The following SPIN2A variants were observed in gnomAD, a reference collection of about 807,000 sequenced individuals.
The protein encoded by SPIN2A is spindlin-2A.
A neutral mutation model predicts 9.2 loss-of-function variants in SPIN2A; 4 were observed. That is an observed-to-expected ratio of 0.44 (90% CI 0.21 to 1.00). SPIN2A has a LOEUF of 1.00. Among genes scored for constraint, SPIN2A ranks in the 50% least tolerant of loss-of-function variants. SPIN2A has a pLI of 0.26. For synonymous variants in SPIN2A, 25 were observed against 61.2 expected, an observed-to-expected ratio of 0.41 and a Z score of 2.76; for missense variants, 77 against 172.8, an observed-to-expected ratio of 0.45 and a Z score of 3.11.
At chrX:57,143,315 A>G in the SPIN2A span, among the ~76,000 whole-genome samples, 2 of 110,887 alleles carry the variant, frequency 1.8e-5, no homozygotes, top group African/African-American at 3.3e-5. Context: ...TTGCAAGACT[A>G]TTCTAACGAA....
At chrX:57,144,329 CT>C in the SPIN2A span, among the ~76,000 whole-genome samples, 1 of 102,443 alleles carries the variant, frequency 9.8e-6, no homozygotes, top group Non-Finnish European at 2.0e-5. Context: ...CTTTAACATT[CT>C]TGTATTTGGA....
rs751209848 is a variant in SPIN2A, at chrX:57,135,984, A to G, written c.614T>C (p.Val205Ala). Residue 205 changes from valine to alanine, a missense_variant, in exon 2 of 2, where the codon GTT becomes GCT. Coordinates refer to ENST00000374906, the MANE Select transcript of SPIN2A (RefSeq NM_019003.5). ...ATGCTTACCTATTAGGCCATCTACA[A>G]CTCCTCCTGGCTCCCTCTCTGTTGG... The part of the protein sequence containing the change: ...SPPTEREPGG[V>A]VDGLIGKHVE... 2.2e-5 allele frequency: 26 copies of G among 1,203,148 alleles called. No homozygotes were observed. Among genetic ancestry groups the G allele is most frequent in the Non-Finnish European group, 2.9e-5 (26 of 892,894 alleles).
In SPIN2A at chrX:57,136,878, C is replaced by T. The variant is rs1421867371; in HGVS notation, c.-5-276G>A. Reference sequence around the variant, plus strand: ...TCCTCCTAGCTCAGAGCCCACTGCCCTCCCTTTACCCTTTACTGCCACTAG... The same window carrying T: ...TCCTCCTAGCTCAGAGCCCACTGCCTTCCCTTTACCCTTTACTGCCACTAG... On this transcript the variant is annotated intron_variant, in intron 1 of 1. Coordinates refer to ENST00000374906, the MANE Select transcript of SPIN2A (RefSeq NM_019003.5). The T allele has an allele frequency of 4.2e-5, 27 of 643,428 alleles. No homozygotes were observed. The African/African-American group carries it at 5.7e-4, about 14-fold the overall frequency. The allele number at this position is 643,428 out of a possible 1,213,427, so 53.0% of individuals were successfully genotyped here.
upstream of SPIN2A, among the ~76,000 whole-genome samples, chrX:57,140,275 G>T (rs1441769432): frequency 9.1e-6 from 1 of 109,368 alleles, no homozygotes; most frequent in African/African-American, 3.3e-5. Context: ...CATATTATCT[G>T]CAAATAAAGA....
chrX:57,138,841 T>C, upstream of SPIN2A, among the ~76,000 whole-genome samples: 1 of 112,258 alleles, frequency 8.9e-6, no homozygotes, highest in East Asian at 2.8e-4. Flanking sequence ...TATATATCTG[T>C]TGTCCATTTG....
chrX:57,140,869 G>A (rs955590147), upstream of SPIN2A, among the ~76,000 whole-genome samples: 4 of 111,391 alleles, frequency 3.6e-5, no homozygotes, highest in Admixed American at 3.8e-4. Context: ...ACTGCCTATC[G>A]AGTACTATGT....
the SPIN2A span, among the ~76,000 whole-genome samples, chrX:57,145,191 C>T: frequency 9.1e-6 from 1 of 109,325 alleles, no homozygotes; most frequent in Admixed American, 9.7e-5. Flanking sequence ...AGAAGTGTTC[C>T]CTTTTCACCA....
chrX:57,146,091 A>T, the SPIN2A span, among the ~76,000 whole-genome samples: 1 of 106,853 alleles, frequency 9.4e-6, no homozygotes, highest in Non-Finnish European at 1.9e-5. Flanking sequence ...TGTTTTTTCT[A>T]GTTCTGTGAA....
chrX:57,144,409 G>T, the SPIN2A span, among the ~76,000 whole-genome samples: 459 of 105,712 alleles, frequency 4.3e-3, 2 homozygotes, highest in African/African-American at 0.015. Flanking sequence ...ATTCTACCCT[G>T]ATCTCTCTAC....
the SPIN2A span, among the ~76,000 whole-genome samples, chrX:57,144,880 C>T: frequency 4.0e-4 from 29 of 73,128 alleles, no homozygotes; most frequent in Non-Finnish European, 5.8e-4. Context: ...AGTAGTATTC[C>T]ACTATATATA....
At chrX:57,143,900 T>C in the SPIN2A span, among the ~76,000 whole-genome samples, 7 of 112,207 alleles carry the variant, frequency 6.2e-5, no homozygotes, top group African/African-American at 1.6e-4. Flanking sequence ...CAGTGAGTTT[T>C]AGATCTCCAG....
chrX:57,135,939 T>A lies in SPIN2A; in HGVS notation c.659A>T (p.Asp220Val). The A allele has an allele frequency of 8.3e-7, 1 of 1,210,085 alleles. No homozygotes were observed. Among genetic ancestry groups the A allele is most frequent in the African/African-American group, 1.7e-5 (1 of 57,451 alleles). ...IGKHVEYTKE[D>V]GSKRIGMVIH... ...GACCATGCCGATCCTTTTGGAGCCATCTTCTTTGGTATATTCCACATGCTT... is the reference window on the plus strand; with the variant it reads ...GACCATGCCGATCCTTTTGGAGCCAACTTCTTTGGTATATTCCACATGCTT... The change falls in exon 2 of 2, where the codon GAT becomes GTT. Residue 220 changes from aspartate to valine, a missense_variant. Asp to Val is a radical substitution (Grantham distance 152, BLOSUM62 -3). Transcript: ENST00000374906.
At chrX:57,135,609 C>T, downstream of SPIN2A, 6 of 831,550 alleles carry the variant, frequency 7.2e-6, no homozygotes, top group Non-Finnish European at 9.9e-6. Context: ...ACCAAACACA[C>T]CCGAACTTTT....
Position 57,135,885 on chromosome X carries a change from A to G in SPIN2A, c.713T>C (p.Val238Ala). Residue 238 changes from valine to alanine, a missense_variant, in exon 2 of 2, where the codon GTG becomes GCG. Around this residue, in one of 4 missense-constraint regions of SPIN2A, gnomAD observed 36 missense variants for 47.6 expected, o/e 0.76. Transcript: ENST00000374906. ...VIHQVETKPS[V>A]YFIKFDDDFH... ...ATCATCATCAAACTTGATGAAATAC[A>G]CAGAGGGTTTGGTTTCCACTTGGTG... 2 of 1,210,068 alleles carry G rather than the reference A, an allele frequency of 1.7e-6. No individual in the cohort carries two copies. The highest frequency in any genetic ancestry group is 3.5e-5 in the South Asian group (2 of 56,936).
At chrX:57,141,689 T>C (rs1928007007), upstream of SPIN2A, among the ~76,000 whole-genome samples, 1 of 111,952 alleles carries the variant, frequency 8.9e-6, no homozygotes, top group Non-Finnish European at 1.9e-5. Context: ...AATTTACCCA[T>C]TTCTTCTAGG....
upstream of SPIN2A, among the ~76,000 whole-genome samples, chrX:57,137,867 A>AAG (rs1467085474): frequency 9.0e-6 from 1 of 111,644 alleles, no homozygotes; most frequent in African/African-American, 3.3e-5. Flanking sequence ...ATGTGTATGT[A>AAG]TGTATATATA....
downstream of SPIN2A, chrX:57,134,733 A>T (rs1370346670): frequency 9.0e-6 from 1 of 111,708 alleles, no homozygotes; most frequent in African/African-American, 3.3e-5. Context: ...CTCTACCAAG[A>T]TTGCTTATCT....
At chrX:57,146,199 G>T in the SPIN2A span, among the ~76,000 whole-genome samples, 2 of 110,590 alleles carry the variant, frequency 1.8e-5, no homozygotes, top group Non-Finnish European at 3.8e-5. Flanking sequence ...CATCCATGAG[G>T]ATGGGATGTA....
At chrX:57,143,283 T>A in the SPIN2A span, among the ~76,000 whole-genome samples, 1 of 110,783 alleles carries the variant, frequency 9.0e-6, no homozygotes, top group African/African-American at 3.3e-5. Flanking sequence ...TACAGGCTTT[T>A]GCTTCATGGA....
Sources: gnomAD v4.1 joint callset for allele counts (sites outside exome capture counted in the v4.1 genomes callset) on GRCh38, gnomAD v4.1.1 for gene constraint, gnomAD v4.1.1 regional missense constraint, MANE v1.5 for transcripts, NCBI Gene and HGNC (gene_info 2026-07-23, HGNC 2026-07-21) for gene names.